The following ZNF804A variants were observed in gnomAD, a reference collection of about 807,000 sequenced individuals.
The protein encoded by ZNF804A is zinc finger protein 804A.
A neutral mutation model predicts 16.5 loss-of-function variants in ZNF804A; 2 were observed. The observed-to-expected ratio is 0.12, with a 90% CI of 0.05 to 0.38. ZNF804A has a LOEUF of 0.38. Among genes scored for constraint, ZNF804A ranks in the 10% least tolerant of loss-of-function variants. ZNF804A has a pLI of 0.99. For synonymous variants in ZNF804A, 534 were observed against 489.6 expected (o/e 1.09, Z -1.20); for missense variants, 1,473 against 1,390.7 (o/e 1.06, Z -0.94).
intron 1 of ZNF804A, among the ~76,000 whole-genome samples, chr2:184,602,957 G>T (rs1007355962): frequency 6.6e-6 from 1 of 152,036 alleles, no homozygotes; most frequent in African/African-American, 2.4e-5. Flanking sequence ...TTTTCCAATT[G>T]TCTACAGATG....
intron 1 of ZNF804A, among the ~76,000 whole-genome samples, chr2:184,806,765 C>T (rs992911858): frequency 8.6e-5 from 13 of 151,482 alleles, no homozygotes; most frequent in African/African-American, 1.7e-4. Flanking sequence ...TACTAAAAAC[C>T]GTGCTACAGT....
In ZNF804A at chr2:184,938,359, CAACT is replaced by C. The variant is rs1316405442; in HGVS notation, c.2964_2967del (p.Thr989SerfsTer29). 6.2e-7 allele frequency: 1 copy of C among 1,614,006 alleles called. No homozygotes were observed. The highest frequency in any genetic ancestry group is 8.5e-7 in the Non-Finnish European group (1 of 1,179,996). On this transcript the variant is annotated frameshift_variant, in exon 4 of 4. Coordinates refer to ENST00000302277, the MANE Select transcript of ZNF804A (RefSeq NM_194250.2). LOFTEE classifies it low-confidence loss of function (END_TRUNC). Reference sequence around the variant, plus strand: ...CCACAAGGAAAGATGAATGAGACACCAACTGAGTGGCTGCGTTATAATTCAGGAA... The same window carrying C: ...CCACAAGGAAAGATGAATGAGACACCGAGTGGCTGCGTTATAATTCAGGAA...
At chr2:184,630,795 T>A (rs1019060563) in intron 1 of ZNF804A, among the ~76,000 whole-genome samples, 1 of 152,036 alleles carries the variant, frequency 6.6e-6, no homozygotes, top group African/African-American at 2.4e-5. Flanking sequence ...AAATAAACTG[T>A]TTATACCAAG....
intron 1 of ZNF804A, among the ~76,000 whole-genome samples, chr2:184,714,552 A>C (rs933433598): frequency 6.6e-6 from 1 of 152,138 alleles, no homozygotes; most frequent in African/African-American, 2.4e-5. Context: ...GATACAGTCA[A>C]TAAATGAAAT....
At chr2:184,836,374 A>G (rs778207031) in intron 1 of ZNF804A, among the ~76,000 whole-genome samples, 1 of 152,070 alleles carries the variant, frequency 6.6e-6, no homozygotes, top group Non-Finnish European at 1.5e-5. Flanking sequence ...TGCACACACC[A>G]TGTTGCTGAC....
intron 1 of ZNF804A, among the ~76,000 whole-genome samples, chr2:184,849,846 A>C (rs1695575003): frequency 6.6e-6 from 1 of 152,058 alleles, no homozygotes; most frequent in South Asian, 2.1e-4. Context: ...ATGGATAAAG[A>C]AAATGGGGTT....
chr2:184,853,578 C>G (rs576348824), intron 1 of ZNF804A, among the ~76,000 whole-genome samples: 1 of 151,866 alleles, frequency 6.6e-6, no homozygotes, highest in East Asian at 1.9e-4. Context: ...CCTTCTATAT[C>G]TAATTTTTGA....
intron 2 of ZNF804A, among the ~76,000 whole-genome samples, chr2:184,922,443 T>A (rs932378342): frequency 2.0e-5 from 3 of 152,088 alleles, no homozygotes; most frequent in African/African-American, 7.2e-5. Context: ...TTTAATCTGA[T>A]TATTTGATTT....
At chr2:184,758,591 T>C (rs1383011434) in intron 1 of ZNF804A, among the ~76,000 whole-genome samples, 2 of 152,008 alleles carry the variant, frequency 1.3e-5, no homozygotes, top group East Asian at 3.9e-4. Flanking sequence ...TTATAAGTAA[T>C]TTATTTATCA....
Position 184,939,073 on chromosome 2 carries a change from T to C in ZNF804A, c.*47T>C, listed in dbSNP as rs377185111. The stretch of plus-strand genomic sequence containing the variant: ...AATACTCTTGTGAAAACTATTGCTA[T>C]ATGCGTTAAGTGTTCATCTATGTGG... On this transcript the variant is annotated 3_prime_UTR_variant, in exon 4 of 4. Coordinates refer to ENST00000302277, the MANE Select transcript of ZNF804A (RefSeq NM_194250.2). 2.7e-5 allele frequency: 43 copies of C among 1,587,566 alleles called. No homozygotes were observed. Among genetic ancestry groups the C allele is most frequent in the South Asian group, 2.0e-4 (17 of 86,780 alleles).
intron 1 of ZNF804A, among the ~76,000 whole-genome samples, chr2:184,842,343 G>T (rs1324539918): frequency 1.3e-5 from 2 of 152,234 alleles, no homozygotes; most frequent in South Asian, 4.1e-4. Context: ...AGCTATGGTT[G>T]CATGATGATC....
chr2:184,759,310 A>C (rs979831966), intron 1 of ZNF804A, among the ~76,000 whole-genome samples: 2 of 151,734 alleles, frequency 1.3e-5, no homozygotes, highest in Admixed American at 6.6e-5. Context: ...AATCTTACAC[A>C]AAAAAGGACA....
chr2:184,699,502 G>T (rs1692886665), intron 1 of ZNF804A, among the ~76,000 whole-genome samples: 1 of 152,062 alleles, frequency 6.6e-6, no homozygotes, highest in Non-Finnish European at 1.5e-5. Context: ...TACCTTCATT[G>T]TCAATGTGGA....
At chr2:184,932,958 C>A (rs1489392168) in intron 2 of ZNF804A, among the ~76,000 whole-genome samples, 1 of 152,058 alleles carries the variant, frequency 6.6e-6, no homozygotes. Context: ...TTGAATTATT[C>A]TGGAAACGTG....
At chr2:184,836,298 C>T (rs976900311) in intron 1 of ZNF804A, among the ~76,000 whole-genome samples, 3 of 152,044 alleles carry the variant, frequency 2.0e-5, no homozygotes, top group Non-Finnish European at 4.4e-5. Context: ...CAAGCAGTTT[C>T]CTAAAAAGGA....
intron 1 of ZNF804A, among the ~76,000 whole-genome samples, chr2:184,825,112 T>G (rs1219474765): frequency 1.3e-5 from 2 of 152,168 alleles, no homozygotes; most frequent in African/African-American, 4.8e-5. Context: ...TGAACGAAAT[T>G]TATGAGCTTC....
intron 1 of ZNF804A, among the ~76,000 whole-genome samples, chr2:184,772,814 C>CT (rs1416827801): frequency 6.6e-6 from 1 of 151,292 alleles, no homozygotes; most frequent in Admixed American, 6.6e-5. Flanking sequence ...TATTATCTGT[C>CT]TTTTTTGTAA....
At chr2:184,891,331 T>C (rs1684980904) in intron 2 of ZNF804A, among the ~76,000 whole-genome samples, 1 of 152,176 alleles carries the variant, frequency 6.6e-6, no homozygotes, top group Admixed American at 6.5e-5. Flanking sequence ...GTTTTACTCC[T>C]GGCATCTGAA....
chr2:184,874,914 C>G (rs1266129393), intron 2 of ZNF804A, among the ~76,000 whole-genome samples: 1 of 152,210 alleles, frequency 6.6e-6, no homozygotes, highest in South Asian at 2.1e-4. Flanking sequence ...TACATTTGCA[C>G]TAATAGTTAA....
Sources: gnomAD v4.1 joint callset for allele counts (sites outside exome capture counted in the v4.1 genomes callset) on GRCh38, gnomAD v4.1.1 for gene constraint, MANE v1.5 for transcripts, NCBI Gene and HGNC (gene_info 2026-07-23, HGNC 2026-07-21) for gene names.